CEP55: variants seen among roughly 807,000 people sequenced by gnomAD.
CEP55 encodes the protein centrosomal protein of 55 kDa.
Under a neutral mutation model 63.2 loss-of-function variants are expected in CEP55, and 57 were observed. The ratio of observed to expected loss-of-function variants is 0.90; its 90% CI spans 0.73 to 1.13. The LOEUF (loss-of-function observed/expected upper bound fraction) is 1.13, where lower values mean the gene tolerates loss of function less well. Among genes scored for constraint, CEP55 ranks in the 50% most tolerant of loss-of-function variants. CEP55 has a pLI of 0.00. For missense variants in CEP55, 456 were observed against 518.9 expected (o/e 0.88, Z 1.18); for synonymous variants, 178 against 191.6 (o/e 0.93, Z 0.59).
At chr10:93,524,082 C>T (rs570994887) in intron 8 of CEP55, among the ~76,000 whole-genome samples, 41 of 152,176 alleles carry the variant, frequency 2.7e-4, no homozygotes, top group Admixed American at 2.6e-3. Flanking sequence ...CAAGAAATAA[C>T]TAAGATCAGA....
At chr10:93,514,515 G>A (rs1027961777) in intron 4 of CEP55, among the ~76,000 whole-genome samples, 1 of 152,240 alleles carries the variant, frequency 6.6e-6, no homozygotes, top group Non-Finnish European at 1.5e-5. Flanking sequence ...GAAAAAGGAA[G>A]TAGTTATGCC....
intron 4 of CEP55, among the ~76,000 whole-genome samples, chr10:93,510,235 G>A (rs1239599900): frequency 1.3e-5 from 2 of 152,122 alleles, no homozygotes; most frequent in African/African-American, 4.8e-5. Context: ...AAACCAAATA[G>A]CCAAAAGACA....
At chr10:93,514,002 T>A (rs2057777109) in intron 4 of CEP55, among the ~76,000 whole-genome samples, 1 of 148,562 alleles carries the variant, frequency 6.7e-6, no homozygotes, top group Non-Finnish European at 1.5e-5. Flanking sequence ...TGGAGTGCAG[T>A]GGCGCAATCT....
In CEP55 at chr10:93,528,065, G is replaced by C; in HGVS notation, c.1307G>C (p.Ser436Thr). Residue 436 changes from serine (S) to threonine (T), a missense_variant, in exon 9 of 9, where the codon AGC (serine) becomes ACC (threonine). Ser to Thr is a moderately conservative substitution (Grantham distance 58). Transcript: ENST00000371485. Reference sequence around the variant, plus strand: ...AGTCCCACTGCTGCACTCAATGAAAGCCTGGTGGAATGTCCCAAGTGCAAT... The same window carrying C: ...AGTCCCACTGCTGCACTCAATGAAACCCTGGTGGAATGTCCCAAGTGCAAT... The part of the protein sequence containing the change: ...PKSPTAALNE[S>T]LVECPKCNIQ... 6.2e-7 allele frequency: 1 copy of C among 1,614,040 alleles called. No homozygotes were observed.
chr10:93,520,249 A>T (rs1465837776), intron 8 of CEP55: 1 of 165,880 alleles, frequency 6.0e-6, no homozygotes, highest in Non-Finnish European at 1.3e-5. Context: ...AACATGGTGA[A>T]ACCCTGTCTC....
At chr10:93,503,587 C>T (rs1291877145) in intron 3 of CEP55, among the ~76,000 whole-genome samples, 199 bp downstream of exon 3, 2 of 152,076 alleles carry the variant, frequency 1.3e-5, no homozygotes, top group African/African-American at 4.8e-5. Context: ...TGGTACCCTC[C>T]ACTCCTTGTA....
In CEP55 at chr10:93,527,947, C is replaced by T; in HGVS notation, c.1192-3C>T. On this transcript the variant is annotated splice_region_variant and splice_polypyrimidine_tract_variant and intron_variant, in intron 8 of 8. Coordinates refer to ENST00000371485, the MANE Select transcript of CEP55 (RefSeq NM_018131.5). ...ATTCTATTATTTGAAACTTATTTTTCAGAAACAGCTTCATGAGTTTGCCAT... is the reference window on the plus strand; with the variant it reads ...ATTCTATTATTTGAAACTTATTTTTTAGAAACAGCTTCATGAGTTTGCCAT... 1 of 1,607,634 alleles carries T rather than the reference C, an allele frequency of 6.2e-7. No homozygotes were observed. The highest frequency in any genetic ancestry group is 1.7e-5 in the Admixed American group (1 of 58,684).
intron 4 of CEP55, chr10:93,510,817 T>G (rs895254709): frequency 6.6e-6 from 1 of 152,208 alleles, no homozygotes; most frequent in South Asian, 2.1e-4. Flanking sequence ...TTGACCCACA[T>G]TTTTTATTCC....
intron 8 of CEP55, among the ~76,000 whole-genome samples, chr10:93,524,961 TGA>T: frequency 1.3e-5 from 2 of 152,020 alleles, no homozygotes; most frequent in African/African-American, 4.8e-5. Flanking sequence ...GAGCTATTTA[TGA>T]CAAACCCACA....
chr10:93,515,397 C>T lies in CEP55; in HGVS notation c.529-8C>T. 1 of 1,565,926 alleles carries T rather than the reference C, an allele frequency of 6.4e-7. No homozygotes were observed. The highest frequency in any genetic ancestry group is 8.7e-7 in the Non-Finnish European group (1 of 1,148,900). On this transcript the variant is annotated splice_region_variant and splice_polypyrimidine_tract_variant and intron_variant, in intron 4 of 8. Coordinates refer to ENST00000371485, the MANE Select transcript of CEP55 (RefSeq NM_018131.5). ...TTACTGTTGATTTTCTTTCATCTTC[C>T]CATTAAGGCTCTGGAGAAAAATCAG...
chr10:93,522,126 A>C (rs2057870753), intron 8 of CEP55, among the ~76,000 whole-genome samples: 1 of 152,228 alleles, frequency 6.6e-6, no homozygotes, highest in South Asian at 2.1e-4. Flanking sequence ...GCTTCAGATG[A>C]TCAAACTTCT....
chr10:93,510,650 C>T (rs2057736865), intron 4 of CEP55: 1 of 152,184 alleles, frequency 6.6e-6, no homozygotes, highest in Non-Finnish European at 1.5e-5. Context: ...CAGCCAAGAT[C>T]AGGCGCGTTC....
intron 5 of CEP55, 35 bp from the exon 6 acceptor site, chr10:93,516,900 T>C (rs1057284377): frequency 1.0e-5 from 14 of 1,361,478 alleles, no homozygotes; most frequent in East Asian, 4.6e-5. Flanking sequence ...ATTTATTTTA[T>C]AAAGTGAGTT....
chr10:93,507,333 A>C (rs908171759), intron 4 of CEP55, among the ~76,000 whole-genome samples: 1 of 148,378 alleles, frequency 6.7e-6, no homozygotes, highest in African/African-American at 2.5e-5. Flanking sequence ...AAGCAGTTCT[A>C]CCTCAGCCTC....
chr10:93,502,607 C>T (rs1348853119), intron 2 of CEP55, among the ~76,000 whole-genome samples: 1 of 152,176 alleles, frequency 6.6e-6, no homozygotes, highest in Non-Finnish European at 1.5e-5. Flanking sequence ...AGATCACCTT[C>T]TAGATTCAAT....
chr10:93,498,395 C>T (rs1259774594), intron 1 of CEP55, among the ~76,000 whole-genome samples: 2 of 152,098 alleles, frequency 1.3e-5, no homozygotes, highest in South Asian at 2.1e-4. Context: ...CTACGACCCA[C>T]GATATCAAGT....
intron 6 of CEP55, among the ~76,000 whole-genome samples, chr10:93,517,610 G>A (rs1369405448): frequency 6.6e-6 from 1 of 152,154 alleles, no homozygotes. Context: ...GAAGCCAAAA[G>A]AAGAAGTGAA....
chr10:93,509,296 AC>A (rs1471139950), intron 4 of CEP55, among the ~76,000 whole-genome samples: 3 of 152,094 alleles, frequency 2.0e-5, no homozygotes, highest in Non-Finnish European at 4.4e-5. Flanking sequence ...AGGCGTTTAT[AC>A]AAATGGGGTA....
chr10:93,518,811 C>G (rs1045252807), intron 6 of CEP55, 66 bp from the exon 7 acceptor site: 2 of 1,084,110 alleles, frequency 1.8e-6, no homozygotes, highest in Non-Finnish European at 2.8e-6. Context: ...GTGAGCTTTC[C>G]GTGCATCCCA....
Sources: allele counts gnomAD v4.1 joint callset (sites outside exome capture counted in the v4.1 genomes callset), GRCh38; gene constraint gnomAD v4.1.1; transcripts MANE v1.5; gene names NCBI Gene and HGNC (gene_info 2026-07-23, HGNC 2026-07-21).